The following GRK4 variants were observed in gnomAD, a reference collection of about 807,000 sequenced individuals.
GRK4 encodes G protein-coupled receptor kinase 2-like.
A neutral mutation model predicts 77.9 loss-of-function variants in GRK4; 73 were observed. The ratio of observed to expected loss-of-function variants is 0.94; its 90% CI spans 0.78 to 1.14. The LOEUF is 1.14. Among genes scored for constraint, GRK4 ranks in the 50% most tolerant of loss-of-function variants. The pLI is 0.00. For missense variants in GRK4, 729 were observed against 700.2 expected (o/e 1.04, Z -0.46); for synonymous variants, 257 against 254.4 (o/e 1.01, Z -0.10).
At chr4:2,973,831 A>G (rs923619572) in intron 1 of GRK4, among the ~76,000 whole-genome samples, 1 of 152,290 alleles carries the variant, frequency 6.6e-6, no homozygotes, top group East Asian at 1.9e-4. Context: ...AACTCTCTTC[A>G]TGGCTTCCCA....
chr4:2,988,882 G>A (rs1039266109), intron 3 of GRK4, 43 bp downstream of exon 3: 7 of 1,277,030 alleles, frequency 5.5e-6, no homozygotes, highest in Admixed American at 3.4e-5. Context: ...CCAATCTTAT[G>A]CTTTTGAAAA....
At chr4:2,971,664 C>T (rs1719580805) in intron 1 of GRK4, among the ~76,000 whole-genome samples, 1 of 152,230 alleles carries the variant, frequency 6.6e-6, no homozygotes, top group African/African-American at 2.4e-5. Flanking sequence ...ATGTCTCCCG[C>T]AACAGACATT....
chr4:3,032,907 T>G lies in GRK4; in HGVS notation c.1270-2479T>G, dbSNP rs141899091. Among the ~76,000 whole-genome samples the G allele has an allele frequency of 2.0e-3, 312 of 152,348 alleles. 1 individual carries two copies. The highest frequency in any genetic ancestry group is 8.5e-3 in the South Asian group (41 of 4,832). On this transcript the variant is annotated intron_variant, in intron 12 of 15. Transcript: ENST00000398052. ...GGCCAGCTTTTGGACCAAGCCCCTC[T>G]CCTCTGCTCTGTGCTGCCTGGTCAG...
intron 4 of GRK4, among the ~76,000 whole-genome samples, chr4:2,996,647 A>G (rs952383708): frequency 6.6e-6 from 1 of 152,072 alleles, no homozygotes; most frequent in Non-Finnish European, 1.5e-5. Context: ...GGGATAGACA[A>G]ATGTTTAGAT....
At position 2,965,314 on chromosome 4, in the gene GRK4, C is replaced by T. The variant is rs1284399816; in HGVS notation, c.52+1192C>T. ...CGGGAGACCCCCACAATCCTCTGTG[C>T]AATCCTCTGTCTCGGACCTCATGTC... is the stretch of plus-strand genomic sequence containing the variant. On this transcript the variant is annotated intron_variant, in intron 1 of 15. Coordinates refer to ENST00000398052, the MANE Select transcript of GRK4 (RefSeq NM_182982.3). The T allele has an allele frequency of 5.7e-6, 4 of 702,938 alleles. No homozygotes were observed. In the Admixed American group the frequency reaches 8.0e-5, roughly 14 times the overall value. The allele number at this position is 702,938 out of a possible 1,614,324, so 43.5% of individuals were successfully genotyped here.
intron 1 of GRK4, among the ~76,000 whole-genome samples, chr4:2,979,349 A>T (rs192035451): frequency 6.9e-6 from 1 of 145,238 alleles, no homozygotes; most frequent in Non-Finnish European, 1.5e-5. Flanking sequence ...GGTTGCAATC[A>T]TCTGAGATGG....
At chr4:2,995,767 G>C (rs927874375) in intron 4 of GRK4, among the ~76,000 whole-genome samples, 4 of 152,282 alleles carry the variant, frequency 2.6e-5, no homozygotes, top group African/African-American at 9.6e-5. Context: ...ACTGGCCTTG[G>C]TTACTGGCAG....
intron 12 of GRK4, among the ~76,000 whole-genome samples, chr4:3,034,390 C>T (rs776918169): frequency 6.6e-6 from 1 of 152,218 alleles, no homozygotes; most frequent in African/African-American, 2.4e-5. Flanking sequence ...AGGTCTATTA[C>T]AGCGATTCAA....
At chr4:3,024,156 C>T (rs1396728484) in intron 10 of GRK4, among the ~76,000 whole-genome samples, 1 of 152,220 alleles carries the variant, frequency 6.6e-6, no homozygotes, top group Non-Finnish European at 1.5e-5. Flanking sequence ...CTGAAAGGCA[C>T]TCCCGGGTGG....
chr4:2,966,647 C>A (rs563808886), intron 1 of GRK4: 12 of 152,252 alleles, frequency 7.9e-5, no homozygotes, highest in Non-Finnish European at 1.2e-4. Context: ...AAGTTGATGA[C>A]TGTGTTTGTT....
chr4:2,994,108 C>G (rs1485735712), intron 4 of GRK4, among the ~76,000 whole-genome samples: 2 of 152,238 alleles, frequency 1.3e-5, no homozygotes, highest in East Asian at 3.8e-4. Context: ...ACAGATTACT[C>G]TCTCAAACAC....
At chr4:2,992,084 C>T (rs1296314355) in intron 3 of GRK4, 131 bp from the exon 4 acceptor site, 18 of 512,842 alleles carry the variant, frequency 3.5e-5, no homozygotes, top group Non-Finnish European at 5.7e-5. Flanking sequence ...CGCTATGTTG[C>T]TCAGGCTGGC....
intron 9 of GRK4, among the ~76,000 whole-genome samples, chr4:3,020,622 TC>T (rs1427341137): frequency 2.0e-5 from 3 of 152,190 alleles, no homozygotes; most frequent in Non-Finnish European, 4.4e-5. Context: ...ATGCTGGAGT[TC>T]CTGGGCTCTG....
chr4:3,010,533 G>A (rs953795371), intron 7 of GRK4, among the ~76,000 whole-genome samples: 2 of 152,026 alleles, frequency 1.3e-5, no homozygotes, highest in South Asian at 2.1e-4. Flanking sequence ...GGCCCGGGGT[G>A]TTGTTTAAAT....
At chr4:2,991,763 C>T (rs1186785400) in intron 3 of GRK4, among the ~76,000 whole-genome samples, 1 of 152,148 alleles carries the variant, frequency 6.6e-6, no homozygotes, top group South Asian at 2.1e-4. Flanking sequence ...CTGCCTGCCT[C>T]GGCCTCCCAA....
chr4:2,987,031 T>C, intron 2 of GRK4: 1 of 443,150 alleles, frequency 2.3e-6, no homozygotes, highest in Admixed American at 2.9e-5. Flanking sequence ...TATTGAGTTG[T>C]GAAACCATCA....
At chr4:3,014,131 C>A (rs550875083) in intron 8 of GRK4, among the ~76,000 whole-genome samples, 149 of 152,182 alleles carry the variant, frequency 9.8e-4, no homozygotes, top group Middle Eastern at 6.8e-3. Flanking sequence ...GCAGAGGCTC[C>A]AGGTCCATTA....
intron 1 of GRK4, among the ~76,000 whole-genome samples, chr4:2,975,589 G>A (rs1720883044): frequency 6.6e-6 from 1 of 152,130 alleles, no homozygotes; most frequent in Non-Finnish European, 1.5e-5. Flanking sequence ...TGTGTCCCAT[G>A]GCTCCACCCC....
chr4:3,009,740 C>T (rs763129116), intron 7 of GRK4, 29 bp downstream of exon 7: 10 of 1,574,524 alleles, frequency 6.4e-6, no homozygotes, highest in Admixed American at 1.7e-5. Context: ...TTCATAGCAG[C>T]GCTGCTAGCT....
Sources: allele counts gnomAD v4.1 joint callset (sites outside exome capture counted in the v4.1 genomes callset), GRCh38; gene constraint gnomAD v4.1.1; transcripts MANE v1.5; gene names NCBI Gene and HGNC (gene_info 2026-07-23, HGNC 2026-07-21).